The following CCDC73 variants were observed in gnomAD, a reference collection of about 807,000 sequenced individuals.
CCDC73 encodes coiled-coil domain containing 73.
CCDC73 carries 95 observed loss-of-function variants against 116.5 expected under a neutral mutation model. The ratio of observed to expected loss-of-function variants is 0.82; its 90% CI spans 0.69 to 0.97. The LOEUF (loss-of-function observed/expected upper bound fraction) is 0.97. CCDC73 is among the 50% of genes least tolerant of loss of function. CCDC73 has a pLI of 0.00. For missense variants in CCDC73, 1,066 were observed against 1,206.8 expected, an observed-to-expected ratio of 0.88 and a Z score of 1.73; for synonymous variants, 398 against 401.3, an observed-to-expected ratio of 0.99 and a Z score of 0.10.
At chr11:32,636,504 A>G (rs1271170438) in intron 13 of CCDC73, among the ~76,000 whole-genome samples, 1 of 152,108 alleles carries the variant, frequency 6.6e-6, no homozygotes, top group Non-Finnish European at 1.5e-5. Context: ...GAGCCAAGGT[A>G]AGTTCCACTG....
chr11:32,636,567 G>A (rs1156920876), intron 13 of CCDC73, among the ~76,000 whole-genome samples: 1 of 151,948 alleles, frequency 6.6e-6, no homozygotes, highest in African/African-American at 2.4e-5. Context: ...TTTTATAAAA[G>A]TTTAAAAGTT....
chr11:32,680,054 C>T (rs573560479), intron 7 of CCDC73: 2 of 152,292 alleles, frequency 1.3e-5, no homozygotes, highest in South Asian at 4.1e-4. Flanking sequence ...ATCACATAGG[C>T]ACCTACAGCA....
intron 2 of CCDC73, among the ~76,000 whole-genome samples, chr11:32,725,329 G>A (rs1050880821): frequency 1.1e-4 from 17 of 151,806 alleles, no homozygotes; most frequent in African/African-American, 3.9e-4. Flanking sequence ...TCTTATATAC[G>A]TAATTTATAA....
intron 9 of CCDC73, among the ~76,000 whole-genome samples, chr11:32,664,927 T>C (rs4416284): frequency 1.8e-4 from 27 of 152,360 alleles, no homozygotes; most frequent in African/African-American, 5.5e-4. Flanking sequence ...CCAGTAGTCA[T>C]TCAGGAGCAG....
rs201142503 is a variant in CCDC73, at chr11:32,748,174, A to AT, written c.135+11934dup. Among the ~76,000 whole-genome samples the AT allele has an allele frequency of 9.0e-3, 1,315 of 146,130 alleles. 8 individuals are homozygous for AT. The highest frequency in any genetic ancestry group is 0.025 in the Middle Eastern group (7 of 278). ...GAGGACTATCTCTCATCATTTTGTT[A>AT]TTTTTTTTTTCTGGTTGTTTTGTGG... is the stretch of plus-strand genomic sequence containing the variant. On this transcript the variant is annotated intron_variant, in intron 2 of 17. Transcript: ENST00000335185.
At chr11:32,678,933 C>T (rs910657415) in intron 7 of CCDC73, among the ~76,000 whole-genome samples, 4 of 151,148 alleles carry the variant, frequency 2.6e-5, no homozygotes, top group Admixed American at 1.3e-4. Context: ...GACACACACA[C>T]GAAGAACACA....
At chr11:32,622,584 G>A (rs974483731) in intron 14 of CCDC73, among the ~76,000 whole-genome samples, 2 of 151,136 alleles carry the variant, frequency 1.3e-5, no homozygotes, top group Non-Finnish European at 2.9e-5. Context: ...CCTAGGTGTT[G>A]ATAGGTGCAG....
At chr11:32,774,015 G>A (rs959531314) in intron 1 of CCDC73, among the ~76,000 whole-genome samples, 8 of 152,150 alleles carry the variant, frequency 5.3e-5, no homozygotes, top group Admixed American at 2.0e-4. Flanking sequence ...CCTTCTGATA[G>A]AAGATGATAG....
intron 2 of CCDC73, among the ~76,000 whole-genome samples, chr11:32,737,671 C>T (rs1236083919): frequency 6.6e-6 from 1 of 151,478 alleles, no homozygotes; most frequent in Non-Finnish European, 1.5e-5. Flanking sequence ...TCACCTCAAG[C>T]ATTTATCCTT....
chr11:32,618,517 C>G (rs900885200), intron 14 of CCDC73, among the ~76,000 whole-genome samples: 2 of 151,742 alleles, frequency 1.3e-5, no homozygotes, highest in Non-Finnish European at 2.9e-5. Flanking sequence ...TTCTCTGCAG[C>G]CTCGTTGGCA....
chr11:32,758,142 TC>T (rs1850359572), intron 2 of CCDC73: 1 of 175,848 alleles, frequency 5.7e-6, no homozygotes, highest in Non-Finnish European at 1.2e-5. Flanking sequence ...AGGGATTTTT[TC>T]CCCTTTTTAA....
the CCDC73 span, among the ~76,000 whole-genome samples, chr11:32,820,974 A>G: frequency 6.6e-6 from 1 of 152,080 alleles, no homozygotes; most frequent in Admixed American, 6.5e-5. Context: ...TCTACCCTTT[A>G]TCTGTCATAT....
rs1855458744 is a variant in CCDC73 at position 32,614,709 on chromosome 11, G to T, written c.1609C>A (p.His537Asn). 9 of 1,610,482 alleles carry T rather than the reference G, an allele frequency of 5.6e-6. No homozygotes were observed. Among genetic ancestry groups the T allele is most frequent in the Middle Eastern group, 1.7e-4 (1 of 6,050 alleles). ...ATTGCTGTATCTAACACTACAAAATGATTATTTGGTGATTTAAATTCTGTA... is the reference window on the plus strand; with the variant it reads ...ATTGCTGTATCTAACACTACAAAATTATTATTTGGTGATTTAAATTCTGTA... ...GCTEFKSPNNHFVVLDTAIET... is the reference protein window; with the variant it reads ...GCTEFKSPNNNFVVLDTAIET... The change falls in exon 16 of 18, where the codon CAT becomes AAT. Residue 537 changes from histidine (H) to asparagine (N), a missense_variant. Transcript: ENST00000335185.
intron 2 of CCDC73, among the ~76,000 whole-genome samples, chr11:32,719,816 A>C (rs1565084280): frequency 6.6e-6 from 1 of 152,164 alleles, no homozygotes. Context: ...GAAATTGGCC[A>C]ATGTCTCGAA....
chr11:32,736,563 G>C (rs1489077206), intron 2 of CCDC73, among the ~76,000 whole-genome samples: 1 of 152,076 alleles, frequency 6.6e-6, no homozygotes, highest in African/African-American at 2.4e-5. Context: ...ACTGTTGGTG[G>C]GACGGTAAAC....
At chr11:32,798,222 C>G (rs1031508511), upstream of CCDC73, among the ~76,000 whole-genome samples, 1 of 152,228 alleles carries the variant, frequency 6.6e-6, no homozygotes, top group Non-Finnish European at 1.5e-5. Flanking sequence ...CTCTAAGATA[C>G]AAATATGACA....
chr11:32,761,753 A>G (rs183840408), intron 1 of CCDC73, among the ~76,000 whole-genome samples: 25 of 152,170 alleles, frequency 1.6e-4, no homozygotes, highest in Non-Finnish European at 2.6e-4. Context: ...ACATATATAT[A>G]GACACAGACC....
At chr11:32,670,521 C>T (rs76453770) in intron 9 of CCDC73, among the ~76,000 whole-genome samples, 1 of 138,602 alleles carries the variant, frequency 7.2e-6, no homozygotes, top group Non-Finnish European at 1.6e-5. Flanking sequence ...GGCTCTGTCT[C>T]AAAAAAAAAA....
chr11:32,604,800 G>C (rs1365194729), intron 17 of CCDC73: 1 of 152,194 alleles, frequency 6.6e-6, no homozygotes, highest in Non-Finnish European at 1.5e-5. Flanking sequence ...ACCAGTAAAA[G>C]TGGCATGTTA....
Sources: allele counts gnomAD v4.1 joint callset (sites outside exome capture counted in the v4.1 genomes callset), GRCh38; gene constraint gnomAD v4.1.1; transcripts MANE v1.5; gene names NCBI Gene and HGNC (gene_info 2026-07-23, HGNC 2026-07-21).